CCDC171: variants seen among roughly 807,000 people sequenced by gnomAD.
The protein encoded by CCDC171 is coiled-coil domain-containing protein 171.
CCDC171 carries 177 observed loss-of-function variants against 168.2 expected under a neutral mutation model. The ratio of observed to expected loss-of-function variants is 1.05; its 90% CI spans 0.93 to 1.19. CCDC171 has a LOEUF of 1.19. Among genes scored for constraint, CCDC171 ranks in the 50% most tolerant of loss-of-function variants. The pLI, the probability that CCDC171 is intolerant of heterozygous loss-of-function variation, is 0.00. For missense variants in CCDC171, 1,991 were observed against 1,539.0 expected (o/e 1.29, Z -4.91); for synonymous variants, 687 against 540.8 (o/e 1.27, Z -3.75).
the CCDC171 span, among the ~76,000 whole-genome samples, chr9:16,081,139 A>G: frequency 6.6e-6 from 1 of 151,996 alleles, no homozygotes; most frequent in East Asian, 1.9e-4. Context: ...TCTTCTCATC[A>G]CTTCTGGGAA....
Position 16,047,749 on chromosome 9 carries a change from A to G in CCDC171, n.89+4863A>G, listed in dbSNP as rs187925886. On this transcript the variant is annotated intron_variant and non_coding_transcript_variant, in intron 1 of 1. Coordinates refer to the CCDC171 transcript ENST00000478913. ...TCCTCTCTCAACGTCTGCTTCCTCA[A>G]TTGTAGAATAGGGATCAACCACAGT... Among the ~76,000 whole-genome samples the G allele has an allele frequency of 2.0e-4, 30 of 152,326 alleles. No homozygotes were observed. The East Asian group carries it at 4.1e-3, about 21-fold the overall frequency.
intron 3 of CCDC171, among the ~76,000 whole-genome samples, chr9:15,994,623 A>C (rs964844525): frequency 6.6e-6 from 1 of 152,148 alleles, no homozygotes; most frequent in Non-Finnish European, 1.5e-5. Flanking sequence ...AATGGACACA[A>C]TTTCTTGTTC....
At chr9:15,860,946 G>GTGTGTGTGTGTGTA (rs1488521192) in intron 23 of CCDC171, among the ~76,000 whole-genome samples, 4 of 151,468 alleles carry the variant, frequency 2.6e-5, no homozygotes, top group African/African-American at 9.7e-5. Context: ...ATGTGTGTGT[G>GTGTGTGTGTGTGTA]TGTGTGTGTG....
intron 9 of CCDC171, among the ~76,000 whole-genome samples, chr9:15,674,250 T>C (rs2049348163): frequency 1.3e-5 from 2 of 152,136 alleles, no homozygotes; most frequent in Non-Finnish European, 2.9e-5. Flanking sequence ...TCTTCTCTCT[T>C]TTCTTGTTTA....
rs1009598920 is a variant in CCDC171 at position 15,857,981 on chromosome 9, G to GTA, written c.3468+9042_3468+9043dup. Among the ~76,000 whole-genome samples the GTA allele has an allele frequency of 2.0e-5, 3 of 151,666 alleles. 1 individual carries two copies. The highest frequency in any genetic ancestry group is 1.3e-4 in the Admixed American group (2 of 15,174). ...CATATGTGTGTATATATGTAGATGT[G>GTA]TATATATATGTATATATGTATGCAT... On this transcript the variant is annotated intron_variant, in intron 23 of 25. Transcript: ENST00000380701.
At chr9:15,769,453 A>C (rs528411475) in intron 18 of CCDC171, among the ~76,000 whole-genome samples, 1 of 152,318 alleles carries the variant, frequency 6.6e-6, no homozygotes, top group Middle Eastern at 3.4e-3. Flanking sequence ...ATGAGAAAAA[A>C]ACATCTTGTT....
intron 11 of CCDC171, among the ~76,000 whole-genome samples, chr9:15,703,769 C>T (rs922626067): frequency 6.6e-6 from 1 of 152,188 alleles, no homozygotes; most frequent in Non-Finnish European, 1.5e-5. Flanking sequence ...GATACATACT[C>T]AGCAGTGGGA....
At chr9:15,843,694 G>A (rs533337152) in intron 21 of CCDC171, among the ~76,000 whole-genome samples, 2 of 152,170 alleles carry the variant, frequency 1.3e-5, no homozygotes, top group East Asian at 3.9e-4. Context: ...TATATATGAA[G>A]TATGTGAAAG....
intron 22 of CCDC171, among the ~76,000 whole-genome samples, chr9:15,847,498 G>T (rs1158326120): frequency 6.6e-6 from 1 of 152,026 alleles, no homozygotes; most frequent in Non-Finnish European, 1.5e-5. Context: ...ACATTGAACA[G>T]TTCTCTTGGG....
intron 25 of CCDC171, among the ~76,000 whole-genome samples, chr9:15,935,023 G>C: frequency 6.6e-6 from 1 of 152,070 alleles, no homozygotes; most frequent in East Asian, 1.9e-4. Context: ...GATGGAGAAT[G>C]ACTGCTTAAC....
chr9:15,709,026 C>G (rs909347994), intron 11 of CCDC171, among the ~76,000 whole-genome samples: 2 of 151,388 alleles, frequency 1.3e-5, no homozygotes, highest in Middle Eastern at 6.3e-3. Context: ...CACCACAAAA[C>G]GAGGGGAAAG....
At chr9:15,661,557 AT>A (rs2048326181) in intron 8 of CCDC171, among the ~76,000 whole-genome samples, 1 of 152,192 alleles carries the variant, frequency 6.6e-6, no homozygotes, top group Non-Finnish European at 1.5e-5. Flanking sequence ...ATTTACAAGT[AT>A]TTTCAATGAG....
chr9:15,762,744 A>G (rs2056519465), intron 18 of CCDC171, among the ~76,000 whole-genome samples: 1 of 152,228 alleles, frequency 6.6e-6, no homozygotes, highest in Non-Finnish European at 1.5e-5. Flanking sequence ...TAGAATGTAT[A>G]CAAGAAAATG....
At chr9:15,837,714 C>G (rs1462683742) in intron 21 of CCDC171, among the ~76,000 whole-genome samples, 2 of 152,182 alleles carry the variant, frequency 1.3e-5, no homozygotes, top group Admixed American at 6.5e-5. Context: ...CTCTGTATTA[C>G]TCAGCTTCAC....
intron 25 of CCDC171, among the ~76,000 whole-genome samples, chr9:15,964,737 T>C (rs1830637627): frequency 6.6e-6 from 1 of 152,120 alleles, no homozygotes; most frequent in Non-Finnish European, 1.5e-5. Context: ...AAAATTAAAG[T>C]TTAAATGTTC....
chr9:15,657,611 T>C (rs180864176), intron 8 of CCDC171, among the ~76,000 whole-genome samples: 17 of 152,282 alleles, frequency 1.1e-4, no homozygotes, highest in Admixed American at 5.2e-4. Context: ...GCATGTTATT[T>C]ATTGAGTGCA....
chr9:15,949,291 G>A lies in CCDC171; in HGVS notation c.3754-22318G>A, dbSNP rs1450147687. ...AGCTTTGTTTTTTTGGCTTGGGATTGACTTGGCGATTCGGGCTTTTTTTGG... is the reference window on the plus strand; with the variant it reads ...AGCTTTGTTTTTTTGGCTTGGGATTAACTTGGCGATTCGGGCTTTTTTTGG... On this transcript the variant is annotated intron_variant, in intron 25 of 25. Coordinates refer to ENST00000380701, the MANE Select transcript of CCDC171 (RefSeq NM_173550.4). Among the ~76,000 whole-genome samples, 11 of 152,144 alleles carry A rather than the reference G, an allele frequency of 7.2e-5. 1 individual carries two copies. Among genetic ancestry groups the A allele is most frequent in the Admixed American group, 5.9e-4 (9 of 15,276 alleles).
intron 18 of CCDC171, among the ~76,000 whole-genome samples, chr9:15,745,957 C>T (rs1180184987): frequency 6.6e-6 from 1 of 151,962 alleles, no homozygotes; most frequent in African/African-American, 2.4e-5. Context: ...GGCCTTATTT[C>T]ACTTCTACTT....
intron 6 of CCDC171, among the ~76,000 whole-genome samples, chr9:15,596,990 G>A (rs1587273107): frequency 6.6e-6 from 1 of 152,142 alleles, no homozygotes; most frequent in Non-Finnish European, 1.5e-5. Context: ...TTTGCACATT[G>A]ATTTTGTATC....
Sources: gnomAD v4.1 joint callset for allele counts (sites outside exome capture counted in the v4.1 genomes callset) on GRCh38, gnomAD v4.1.1 for gene constraint, MANE v1.5 for transcripts, NCBI Gene and HGNC (gene_info 2026-07-23, HGNC 2026-07-21) for gene names.